Variants in IDE observed in about 807,000 individuals in gnomAD.
The protein encoded by IDE is insulin-degrading enzyme.
A neutral mutation model predicts 133.2 loss-of-function variants in IDE; 58 were observed. The ratio of observed to expected loss-of-function variants is 0.44; its 90% CI spans 0.35 to 0.54. The LOEUF is 0.54. Among genes scored for constraint, IDE ranks in the 20% least tolerant of loss-of-function variants. The probability of loss-of-function intolerance (pLI) is 0.00; values close to 1 mark genes in which losing one functional copy is unlikely to be tolerated. For missense variants in IDE, 981 were observed against 1,234.0 expected (o/e 0.79, Z 3.07); for synonymous variants, 396 against 421.3 (o/e 0.94, Z 0.73).
chr10:92,573,863 G>A (rs1456019335), intron 1 of IDE, 59 bp downstream of exon 1: 12 of 1,204,216 alleles, frequency 1.0e-5, no homozygotes, highest in Middle Eastern at 2.0e-4. Flanking sequence ...TTTGCAACCC[G>A]AGCGCCAAAC....
At position 92,524,391 on chromosome 10, in the gene IDE, T is replaced by A. The variant is rs191588720; in HGVS notation, c.661+7357A>T. Among the ~76,000 whole-genome samples, 66 of 83,064 alleles carry A rather than the reference T, an allele frequency of 7.9e-4. 3 individuals carry two copies. The highest frequency in any genetic ancestry group is 2.0e-3 in the South Asian group (7 of 3,500). 54.5% of individuals were successfully genotyped at this position (83,064 alleles called of 152,430 possible). On this transcript the variant is annotated intron_variant, in intron 4 of 24. Transcript: ENST00000265986. ...TAATATATATTATATATAATATATT[T>A]TATATAATATATAATATATATTATA...
At chr10:92,541,069 A>AT (rs1288326864) in intron 1 of IDE, among the ~76,000 whole-genome samples, 1 of 152,220 alleles carries the variant, frequency 6.6e-6, no homozygotes, top group African/African-American at 2.4e-5. Context: ...CAAGTCACAC[A>AT]TAAAAATTAG....
intron 3 of IDE, among the ~76,000 whole-genome samples, chr10:92,534,276 T>C (rs780530513): frequency 6.6e-6 from 1 of 152,196 alleles, no homozygotes; most frequent in East Asian, 1.9e-4. Context: ...AACAGAAGTA[T>C]GTCTGAAAAG....
intron 5 of IDE, among the ~76,000 whole-genome samples, chr10:92,514,344 T>C (rs2135566242): frequency 6.6e-6 from 1 of 152,284 alleles, no homozygotes; most frequent in African/African-American, 2.4e-5. Flanking sequence ...ATTGTTTACA[T>C]TCCAAATGGT....
At chr10:92,539,515 C>T (rs530234375) in intron 1 of IDE, among the ~76,000 whole-genome samples, 7 of 151,488 alleles carry the variant, frequency 4.6e-5, no homozygotes, top group Non-Finnish European at 8.8e-5. Context: ...CCTGTAATCT[C>T]AGCACTTTGG....
chr10:92,462,552 G>C (rs1164108699), intron 21 of IDE, among the ~76,000 whole-genome samples: 2 of 151,972 alleles, frequency 1.3e-5, no homozygotes, highest in Non-Finnish European at 2.9e-5. Context: ...GTTGCGGTGA[G>C]CCGGAGATCG....
chr10:92,544,374 T>TC (rs1175148817), intron 1 of IDE, among the ~76,000 whole-genome samples: 1 of 152,188 alleles, frequency 6.6e-6, no homozygotes, highest in Non-Finnish European at 1.5e-5. Context: ...TAACAGCTGT[T>TC]CGCAGTCATC....
intron 3 of IDE, among the ~76,000 whole-genome samples, chr10:92,532,363 A>G (rs1361826856): frequency 1.3e-5 from 2 of 152,040 alleles, no homozygotes; most frequent in Non-Finnish European, 2.9e-5. Flanking sequence ...ACTTAGACTC[A>G]GGCACCTTAG....
rs990505206 is a variant in IDE at position 92,514,828 on chromosome 10, CTCTA to C, written c.784+88_784+91del. 1.2e-4 allele frequency: 119 copies of C among 984,122 alleles called. No individual in the cohort carries two copies. In the Admixed American group the frequency reaches 2.7e-3, roughly 23 times the overall value. The allele number at this position is 984,122 out of a possible 1,614,324, so 61.0% of individuals were successfully genotyped here. Reference sequence around the variant, plus strand: ...CAAAAGATGCTGAGCAAATAAGCAGCTCTATCTTATATCCATCTTCTAACACTGT... The same window carrying C: ...CAAAAGATGCTGAGCAAATAAGCAGCTCTTATATCCATCTTCTAACACTGT... On this transcript the variant is annotated intron_variant, in intron 5 of 24. Transcript: ENST00000265986.
chr10:92,524,322 ATAT>A lies in IDE; in HGVS notation c.661+7423_661+7425del, dbSNP rs1395682878. Among the ~76,000 whole-genome samples the A allele has an allele frequency of 1.9e-4, 15 of 78,148 alleles. 1 individual carries two copies. The highest frequency in any genetic ancestry group is 5.0e-4 in the Admixed American group (2 of 3,996). 51.3% of individuals were successfully genotyped at this position (78,148 alleles called of 152,430 possible). ...TCTATCTCAAAAAAATATATATAAT[ATAT>A]TATTATATATATTATATTATATATA... On this transcript the variant is annotated intron_variant, in intron 4 of 24. Coordinates refer to ENST00000265986, the MANE Select transcript of IDE (RefSeq NM_004969.4).
rs201968212 is a variant in IDE at position 92,527,469 on chromosome 10, T to TA, written c.661+4278dup. ...TTTTATAATGAGATTATACAATTCC[T>TA]AAAAAAAAACTTACAGGACTTTCAA... is the stretch of plus-strand genomic sequence containing the variant. On this transcript the variant is annotated intron_variant, in intron 4 of 24. Transcript: ENST00000265986. Among the ~76,000 whole-genome samples, 423 of 151,410 alleles carry TA rather than the reference T, an allele frequency of 2.8e-3. 1 individual carries two copies. Among genetic ancestry groups the TA allele is most frequent in the African/African-American group, 9.3e-3 (383 of 41,332 alleles).
intron 5 of IDE, among the ~76,000 whole-genome samples, chr10:92,513,189 T>C (rs2135561059): frequency 6.6e-6 from 1 of 152,296 alleles, no homozygotes; most frequent in Admixed American, 6.5e-5. Context: ...TTTTTGGTGT[T>C]TTTTGTTGTC....
chr10:92,498,725 C>T (rs946992683), intron 11 of IDE, among the ~76,000 whole-genome samples: 16 of 152,074 alleles, frequency 1.1e-4, no homozygotes, highest in Admixed American at 1.3e-4. Flanking sequence ...CATTGCACTC[C>T]AGCCTAGGCA....
chr10:92,552,488 C>T (rs1842829294), intron 1 of IDE, among the ~76,000 whole-genome samples: 1 of 152,092 alleles, frequency 6.6e-6, no homozygotes, highest in Admixed American at 6.6e-5. Context: ...ACCAGAGGCA[C>T]TAGACTGGCC....
At chr10:92,534,023 G>GA (rs57350070) in intron 3 of IDE, among the ~76,000 whole-genome samples, 280 of 138,678 alleles carry the variant, frequency 2.0e-3, no homozygotes, top group East Asian at 4.0e-3. Context: ...AACTCCGTCT[G>GA]AAAAAAAAAA....
intron 11 of IDE, among the ~76,000 whole-genome samples, chr10:92,492,654 TTC>T (rs1847427559): frequency 6.6e-6 from 1 of 152,188 alleles, no homozygotes; most frequent in South Asian, 2.1e-4. Context: ...TTCCTGCTTG[TTC>T]TCACCTACCC....
At chr10:92,454,653 T>C (rs1844897095) in intron 24 of IDE, 114 bp from the exon 25 acceptor site, 2 of 738,938 alleles carry the variant, frequency 2.7e-6, no homozygotes, top group African/African-American at 1.7e-5. Context: ...ATATACTGTT[T>C]TTTTGTTTTG....
At chr10:92,554,019 A>G (rs1480932099) in intron 1 of IDE, among the ~76,000 whole-genome samples, 5 of 152,100 alleles carry the variant, frequency 3.3e-5, no homozygotes, top group African/African-American at 4.8e-5. Flanking sequence ...ACAAAGACAC[A>G]TCAAAAAAGG....
chr10:92,456,844 C>CAAAAAAAAAAAAAAAAAAAAAAAAAAA (rs57422406), intron 22 of IDE, among the ~76,000 whole-genome samples: 1 of 52,162 alleles, frequency 1.9e-5, no homozygotes, highest in Non-Finnish European at 3.5e-5. Flanking sequence ...GACTCTGTCT[C>CAAAAAAAAAAAAAAAAAAAAAAAAAAA]AAAAAAAAAA....
Sources: gnomAD v4.1 joint callset for allele counts (sites outside exome capture counted in the v4.1 genomes callset) on GRCh38, gnomAD v4.1.1 for gene constraint, MANE v1.5 for transcripts, NCBI Gene and HGNC (gene_info 2026-07-23, HGNC 2026-07-21) for gene names.